The following LRRC20 variants were observed in gnomAD, a reference collection of about 807,000 sequenced individuals.
LRRC20 encodes the protein leucine rich repeat containing 20, also known as leucine-rich repeat-containing protein 20.
In LRRC20, 11 loss-of-function variants were observed where a neutral mutation model predicts 14.4. The observed-to-expected ratio is 0.77, with a 90% CI of 0.48 to 1.27. The LOEUF is 1.27. LRRC20 is among the 50% of genes most tolerant of loss of function. LRRC20 has a pLI of 0.00. For synonymous variants in LRRC20, 121 were observed against 107.3 expected (o/e 1.13, Z -0.79); for missense variants, 219 against 251.2 (o/e 0.87, Z 0.87).
At chr10:70,327,503 T>A (rs1198274696) in intron 3 of LRRC20, among the ~76,000 whole-genome samples, 3 of 150,752 alleles carry the variant, frequency 2.0e-5, no homozygotes. Context: ...GGCACGAGAA[T>A]CCCAGGAGGC....
At chr10:70,362,092 C>T (rs572685490) in intron 2 of LRRC20, among the ~76,000 whole-genome samples, 184 of 152,258 alleles carry the variant, frequency 1.2e-3, no homozygotes, top group Middle Eastern at 3.4e-3. Context: ...GACTGAAGCA[C>T]GAGAATCACT....
At chr10:70,342,732 C>G (rs1355158681) in intron 2 of LRRC20, among the ~76,000 whole-genome samples, 1 of 152,222 alleles carries the variant, frequency 6.6e-6, no homozygotes. Flanking sequence ...CCTCTTGCCA[C>G]TCGATCTAAA....
chr10:70,350,639 A>G (rs1006122994), intron 2 of LRRC20, among the ~76,000 whole-genome samples: 1 of 152,184 alleles, frequency 6.6e-6, no homozygotes, highest in Non-Finnish European at 1.5e-5. Flanking sequence ...GGGCCTGGTG[A>G]CAGGGCCCAA....
chr10:70,331,304 G>C (rs529116673), intron 3 of LRRC20, among the ~76,000 whole-genome samples: 123 of 152,350 alleles, frequency 8.1e-4, no homozygotes, highest in Non-Finnish European at 1.3e-3. Flanking sequence ...TGGAGTAGAT[G>C]TTTCCCCATT....
intron 4 of LRRC20, among the ~76,000 whole-genome samples, chr10:70,306,501 T>C (rs1841432067): frequency 6.6e-6 from 1 of 152,232 alleles, no homozygotes; most frequent in African/African-American, 2.4e-5. Context: ...CTGGTGTTTC[T>C]TCACGATTCA....
At chr10:70,340,425 A>G in intron 3 of LRRC20, 128 bp downstream of exon 3, 1 of 1,124,944 alleles carries the variant, frequency 8.9e-7, no homozygotes, top group Admixed American at 2.1e-5. Context: ...TTCAAAGTCA[A>G]CCCATGGGAA....
At chr10:70,331,053 G>A (rs567297478) in intron 3 of LRRC20, among the ~76,000 whole-genome samples, 1 of 152,318 alleles carries the variant, frequency 6.6e-6, no homozygotes, top group East Asian at 1.9e-4. Flanking sequence ...CCCCATCCGT[G>A]AAGACGTGGA....
chr10:70,347,231 G>T (rs1410747323), intron 2 of LRRC20, among the ~76,000 whole-genome samples: 2 of 152,110 alleles, frequency 1.3e-5, no homozygotes, highest in African/African-American at 4.8e-5. Flanking sequence ...CGTCAGTGAG[G>T]GAAATAGGGA....
rs1358195376 is a variant in LRRC20 at position 70,300,475 on chromosome 10, T to C, written c.*879A>G. 1 of 985,446 alleles carries C rather than the reference T, an allele frequency of 1.0e-6. No individual in the cohort carries two copies. Among genetic ancestry groups the C allele is most frequent in the Non-Finnish European group, 1.2e-6 (1 of 829,974 alleles). 61.0% of individuals were successfully genotyped at this position (985,446 alleles called of 1,614,324 possible). On this transcript the variant is annotated 3_prime_UTR_variant, in exon 5 of 5. Transcript: ENST00000446961. The stretch of plus-strand genomic sequence containing the variant: ...ATCGCCTTCTGCCCCCAGGAGGCCA[T>C]GACAAGGCAGCCAGGCTGCTGCTGG...
chr10:70,329,721 T>C (rs1326442420), intron 3 of LRRC20, among the ~76,000 whole-genome samples: 1 of 152,036 alleles, frequency 6.6e-6, no homozygotes, highest in Non-Finnish European at 1.5e-5. Context: ...GCCGCCACTA[T>C]GCCCAGCTAA....
chr10:70,374,484 G>C (rs1844431663), intron 2 of LRRC20, among the ~76,000 whole-genome samples: 1 of 151,968 alleles, frequency 6.6e-6, no homozygotes, highest in African/African-American at 2.4e-5. Context: ...CCAAGTAGCT[G>C]GGATTACATG....
At chr10:70,302,291 C>A (rs922211108) in intron 4 of LRRC20, among the ~76,000 whole-genome samples, 1 of 151,392 alleles carries the variant, frequency 6.6e-6, no homozygotes, top group Non-Finnish European at 1.5e-5. Flanking sequence ...CCAGCCTGGG[C>A]GACAAAGCAA....
chr10:70,325,032 T>C (rs1842265817), intron 3 of LRRC20, among the ~76,000 whole-genome samples: 1 of 152,124 alleles, frequency 6.6e-6, no homozygotes, highest in Non-Finnish European at 1.5e-5. Context: ...CCAGGGGCTG[T>C]CCAGTCCCCA....
At chr10:70,354,639 T>C (rs1484608531) in intron 2 of LRRC20, among the ~76,000 whole-genome samples, 1 of 152,120 alleles carries the variant, frequency 6.6e-6, no homozygotes, top group Admixed American at 6.5e-5. Context: ...ATGATGATAA[T>C]GGGGTGGTAA....
chr10:70,301,335 T>TG lies in LRRC20; in HGVS notation c.*18dup, dbSNP rs762932071. ...CCTGTGGCCTCTGCCCCTTGCTGGG[T>TG]GGGCATGAGGAGGGTGGCCTAAGGT... On this transcript the variant is annotated 3_prime_UTR_variant, in exon 5 of 5. Coordinates refer to ENST00000446961, the MANE Select transcript of LRRC20 (RefSeq NM_001278212.2). 5.6e-6 allele frequency: 9 copies of TG among 1,599,472 alleles called. No individual in the cohort carries two copies. In the African/African-American group the frequency reaches 1.2e-4, roughly 22 times the overall value.
At chr10:70,375,377 G>C (rs1007453576) in intron 2 of LRRC20, among the ~76,000 whole-genome samples, 1 of 152,178 alleles carries the variant, frequency 6.6e-6, no homozygotes, top group Non-Finnish European at 1.5e-5. Flanking sequence ...CTACAGAGGA[G>C]AAAGGGAGCA....
chr10:70,359,292 C>T (rs183728151), intron 2 of LRRC20, among the ~76,000 whole-genome samples: 84 of 152,280 alleles, frequency 5.5e-4, no homozygotes, highest in African/African-American at 1.9e-3. Flanking sequence ...CACAGTCGCT[C>T]ATGCCTGCAA....
chr10:70,326,381 A>G (rs1342612860), intron 3 of LRRC20, among the ~76,000 whole-genome samples: 1 of 151,790 alleles, frequency 6.6e-6, no homozygotes, highest in Non-Finnish European at 1.5e-5. Context: ...GCTCCAGCAC[A>G]CTGGGGTTCT....
At position 70,366,076 on chromosome 10, in the gene LRRC20, A is replaced by C. The variant is rs955407892; in HGVS notation, c.82+10376T>G. ...CAGAGCAAGACTCCAGCTCAAAAAA[A>C]AAAAAAAAAACAACAACAAAAAACG... On this transcript the variant is annotated intron_variant, in intron 2 of 4. Coordinates refer to ENST00000446961, the MANE Select transcript of LRRC20 (RefSeq NM_001278212.2). 5.4e-4 allele frequency among the ~76,000 whole-genome samples: 81 copies of C among 151,258 alleles called. 1 individual carries two copies. Among genetic ancestry groups the C allele is most frequent in the African/African-American group, 1.9e-3 (79 of 41,242 alleles).
Sources: gnomAD v4.1 joint callset for allele counts (sites outside exome capture counted in the v4.1 genomes callset) on GRCh38, gnomAD v4.1.1 for gene constraint, MANE v1.5 for transcripts, NCBI Gene and HGNC (gene_info 2026-07-23, HGNC 2026-07-21) for gene names.